The following STON2 variants were observed in gnomAD, a reference collection of about 807,000 sequenced individuals.
STON2 encodes the protein stonin 2.
STON2 carries 29 observed loss-of-function variants against 65.7 expected under a neutral mutation model. The observed-to-expected ratio is 0.44, with a 90% CI of 0.33 to 0.60. STON2 has a LOEUF of 0.60. Among genes scored for constraint, STON2 ranks in the 20% least tolerant of loss-of-function variants. STON2 has a pLI of 0.03. For synonymous variants in STON2, 404 were observed against 414.2 expected (o/e 0.98, Z 0.30); for missense variants, 1,054 against 1,118.1 (o/e 0.94, Z 0.82).
chr14:81,424,271 C>T (rs910819797), intron 2 of STON2, among the ~76,000 whole-genome samples: 1 of 152,068 alleles, frequency 6.6e-6, no homozygotes, highest in African/African-American at 2.4e-5. Context: ...TGGTGAAACC[C>T]CATCTCTACT....
In STON2 at chr14:81,265,396, T is replaced by G. The variant is rs1460011380; in HGVS notation, c.*3018A>C. On this transcript the variant is annotated 3_prime_UTR_variant, in exon 8 of 8. Transcript: ENST00000614646. ...TGGGTCCAGCATGGTGGCTCACGCC[T>G]GTAATCCCAGAGCTTTGGGAGACTG... 2.1e-6 allele frequency: 2 copies of G among 963,288 alleles called. No homozygotes were observed. The highest frequency in any genetic ancestry group is 3.5e-5 in the African/African-American group (2 of 56,716). 59.7% of individuals were successfully genotyped at this position (963,288 alleles called of 1,614,324 possible).
chr14:81,333,416 GT>G (rs1321961925), intron 4 of STON2: 18 of 324,224 alleles, frequency 5.6e-5, no homozygotes, highest in African/African-American at 3.1e-4. Flanking sequence ...CTTTAAATAC[GT>G]TTTTTTCATT....
intron 4 of STON2, among the ~76,000 whole-genome samples, chr14:81,366,263 C>T (rs905266989): frequency 6.6e-6 from 1 of 152,144 alleles, no homozygotes; most frequent in Non-Finnish European, 1.5e-5. Flanking sequence ...ATGCTGGGAA[C>T]TGGATTGCCC....
intron 4 of STON2, among the ~76,000 whole-genome samples, chr14:81,335,415 T>C (rs992167126): frequency 5.4e-4 from 82 of 152,318 alleles, no homozygotes; most frequent in African/African-American, 1.9e-3. Context: ...CTTCCTGTCA[T>C]TTCCATCTAA....
chr14:81,356,069 C>T (rs1197442094), intron 4 of STON2, among the ~76,000 whole-genome samples: 1 of 152,176 alleles, frequency 6.6e-6, no homozygotes, highest in Admixed American at 6.5e-5. Context: ...TGAGAGAGGG[C>T]ATTCCTGTCT....
intron 4 of STON2, among the ~76,000 whole-genome samples, chr14:81,336,056 C>A (rs1381871679): frequency 6.6e-6 from 1 of 152,060 alleles, no homozygotes; most frequent in East Asian, 1.9e-4. Flanking sequence ...AATTCCAAGG[C>A]TATTCTTACA....
At chr14:81,431,806 G>A (rs978375748) in intron 1 of STON2, among the ~76,000 whole-genome samples, 3 of 151,540 alleles carry the variant, frequency 2.0e-5, no homozygotes, top group Admixed American at 2.0e-4. Context: ...TTAGCTGGGC[G>A]TGGTGGTGGG....
At chr14:81,375,666 A>T (rs1327749455) in intron 3 of STON2, among the ~76,000 whole-genome samples, 1 of 152,012 alleles carries the variant, frequency 6.6e-6, no homozygotes, top group Non-Finnish European at 1.5e-5. Flanking sequence ...CAGAAGCTTT[A>T]AACAACAAAA....
intron 2 of STON2, among the ~76,000 whole-genome samples, chr14:81,407,459 C>T (rs1900924726): frequency 6.6e-6 from 1 of 152,172 alleles, no homozygotes; most frequent in Non-Finnish European, 1.5e-5. Flanking sequence ...ATTACTTGTG[C>T]CTGGTTAGTG....
chr14:81,407,747 G>A (rs1900940776), intron 2 of STON2, among the ~76,000 whole-genome samples: 1 of 152,120 alleles, frequency 6.6e-6, no homozygotes, highest in Non-Finnish European at 1.5e-5. Context: ...GGAAGAATGG[G>A]AAAAACAGAC....
At chr14:81,349,466 C>G (rs1427685206) in intron 4 of STON2, among the ~76,000 whole-genome samples, 1 of 151,964 alleles carries the variant, frequency 6.6e-6, no homozygotes, top group African/African-American at 2.4e-5. Flanking sequence ...ATACAAATGG[C>G]CAACAGGCAT....
chr14:81,422,736 T>C (rs1901766567), intron 2 of STON2, among the ~76,000 whole-genome samples: 1 of 152,114 alleles, frequency 6.6e-6, no homozygotes, highest in Non-Finnish European at 1.5e-5. Flanking sequence ...GTCCACCTAG[T>C]ATTTCTAGAC....
In STON2 at chr14:81,261,172, G is replaced by A. The variant is rs7148747; in HGVS notation, c.*7242C>T. ...GAACTCTCACACCCAACAATTTGCT[G>A]TTGGGACCTGACTATACATCTGCTT... On this transcript the variant is annotated 3_prime_UTR_variant, in exon 8 of 8. Coordinates refer to ENST00000614646, the MANE Select transcript of STON2 (RefSeq NM_001394390.1). The A allele has an allele frequency of 0.13, 19,042 of 152,178 alleles. 1,375 individuals are homozygous for A. The highest frequency in any genetic ancestry group is 0.19 in the African/African-American group (7,927 of 41,498). The allele number at this position is 152,178 out of a possible 1,614,324, so 9.4% of individuals were successfully genotyped here.
At chr14:81,350,168 T>C (rs1273115237) in intron 4 of STON2, among the ~76,000 whole-genome samples, 1 of 152,130 alleles carries the variant, frequency 6.6e-6, no homozygotes, top group East Asian at 1.9e-4. Flanking sequence ...TTAACAATAC[T>C]ACACTGTATA....
intron 5 of STON2, among the ~76,000 whole-genome samples, chr14:81,285,150 T>C (rs556272673): frequency 9.9e-5 from 15 of 152,282 alleles, no homozygotes; most frequent in African/African-American, 3.1e-4. Context: ...CAAGGAGTAA[T>C]TGTGATTTTC....
In STON2 at chr14:81,380,385, C is replaced by T. The variant is rs180721797; in HGVS notation, c.374-9200G>A. Among the ~76,000 whole-genome samples, 3 of 152,310 alleles carry T rather than the reference C, an allele frequency of 2.0e-5. 1 individual carries two copies. The highest frequency in any genetic ancestry group is 4.4e-5 in the Non-Finnish European group (3 of 68,018). On this transcript the variant is annotated intron_variant, in intron 3 of 7. Coordinates refer to ENST00000614646, the MANE Select transcript of STON2 (RefSeq NM_001394390.1). Reference sequence around the variant, plus strand: ...GAGAAAAGAGAATGCTTACACACTGCTGGTGGGAATGTAAATTAACTCAGC... The same window carrying T: ...GAGAAAAGAGAATGCTTACACACTGTTGGTGGGAATGTAAATTAACTCAGC...
intron 6 of STON2, among the ~76,000 whole-genome samples, chr14:81,273,123 TCTTTC>T (rs1894665631): frequency 6.6e-6 from 1 of 152,230 alleles, no homozygotes; most frequent in Admixed American, 6.5e-5. Flanking sequence ...TATGGAGAAA[TCTTTC>T]CTTTCTACAC....
intron 5 of STON2, among the ~76,000 whole-genome samples, chr14:81,284,963 T>C (rs1225742602): frequency 6.6e-6 from 1 of 152,184 alleles, no homozygotes; most frequent in African/African-American, 2.4e-5. Flanking sequence ...TTACTGAATA[T>C]TGTAAGCCCA....
rs1211272462 is a variant in STON2 at position 81,277,528 on chromosome 14, C to T, written c.1954G>A (p.Val652Ile). The T allele has an allele frequency of 6.2e-7, 1 of 1,614,188 alleles. No individual in the cohort carries two copies. Among genetic ancestry groups the T allele is most frequent in the Non-Finnish European group, 8.5e-7 (1 of 1,180,032 alleles). Reference sequence around the variant, plus strand: ...CTCAGGATGTGGATCCGTGTCAAGACATGGTGCTGGAGAATCTGGTTGTCT... The same window carrying T: ...CTCAGGATGTGGATCCGTGTCAAGATATGGTGCTGGAGAATCTGGTTGTCT... ...KGDNQILQHH[V>I]LTRIHILSFL... is the part of the protein sequence containing the mutation. The change falls in exon 6 of 8, where the codon GTC (valine) becomes ATC (isoleucine). Residue 652 changes from valine (V) to isoleucine (I), a missense_variant. Val to Ile is a conservative substitution (Grantham distance 29, BLOSUM62 3). Transcript: ENST00000614646.
Sources: allele counts gnomAD v4.1 joint callset (sites outside exome capture counted in the v4.1 genomes callset), GRCh38; gene constraint gnomAD v4.1.1; transcripts MANE v1.5; gene names NCBI Gene and HGNC (gene_info 2026-07-23, HGNC 2026-07-21).